Variants in GLT1D1 observed in about 807,000 individuals in gnomAD.
The protein encoded by GLT1D1 is glycosyltransferase 1 domain-containing protein 1.
GLT1D1 carries 21 observed loss-of-function variants against 28.7 expected under a neutral mutation model. The ratio of observed to expected loss-of-function variants is 0.73; its 90% CI spans 0.52 to 1.05. The LOEUF (loss-of-function observed/expected upper bound fraction) is 1.05, where lower values mean the gene tolerates loss of function less well. GLT1D1 is among the 50% of genes least tolerant of loss of function. The pLI is 0.00. For synonymous variants in GLT1D1, 147 were observed against 124.8 expected (o/e 1.18, Z -1.19); for missense variants, 343 against 330.6 (o/e 1.04, Z -0.29).
chr12:128,947,237 T>C (rs1876220351), intron 5 of GLT1D1, 101 bp from the exon 10 acceptor site: 4 of 1,341,582 alleles, frequency 3.0e-6, no homozygotes, highest in Non-Finnish European at 1.1e-6. Flanking sequence ...GCTTACTTGC[T>C]GATCTAGAGT....
chr12:128,874,506 A>G (rs58045336), intron 1 of GLT1D1, among the ~76,000 whole-genome samples: 14,676 of 124,512 alleles, frequency 0.12, 897 homozygotes, highest in Middle Eastern at 0.25. Flanking sequence ...TTTTTGAGAC[A>G]GGGTCTTGCT....
At chr12:128,866,064 T>C (rs534050612) in intron 1 of GLT1D1, among the ~76,000 whole-genome samples, 2 of 149,688 alleles carry the variant, frequency 1.3e-5, no homozygotes, top group South Asian at 4.2e-4. Context: ...GGGGTGATTG[T>C]ACCTTTTTTT....
intron 1 of GLT1D1, among the ~76,000 whole-genome samples, chr12:128,859,544 G>C (rs942377854): frequency 1.3e-5 from 2 of 152,116 alleles, no homozygotes; most frequent in African/African-American, 4.8e-5. Context: ...GCACAGGGCA[G>C]CCCCTCCCCA....
intron 4 of GLT1D1, among the ~76,000 whole-genome samples, chr12:128,941,905 CTTTTTTTTTTTT>C (rs60663875): frequency 2.0e-4 from 15 of 75,352 alleles, no homozygotes; most frequent in African/African-American, 6.6e-4. Flanking sequence ...CTCTCTCTCT[CTTTTTTTTTTTT>C]TTTTTTTTTT....
chr12:128,954,185 G>A (rs754623081), intron 6 of GLT1D1, among the ~76,000 whole-genome samples: 6 of 150,776 alleles, frequency 4.0e-5, no homozygotes, highest in Non-Finnish European at 7.4e-5. Flanking sequence ...GTGCAATGGC[G>A]CGATCTCGGC....
rs775212376 is a variant in GLT1D1 at position 128,891,799 on chromosome 12, AC to A, written c.323+3058del. On this transcript the variant is annotated intron_variant, in intron 3 of 7. Transcript: ENST00000281703. The stretch of plus-strand genomic sequence containing the variant: ...GTATGTTGTGGCAATGCAAATGTGG[AC>A]CCAAAAAACCTGAGACAGGTCTCAG... Among the ~76,000 whole-genome samples, 35 of 152,190 alleles carry A rather than the reference AC, an allele frequency of 2.3e-4. No individual in the cohort carries two copies. The East Asian group carries it at 4.6e-3, about 20-fold the overall frequency.
intron 4 of GLT1D1, among the ~76,000 whole-genome samples, chr12:128,934,574 A>G (rs1021843349): frequency 1.3e-5 from 2 of 152,058 alleles, no homozygotes; most frequent in African/African-American, 2.4e-5. Flanking sequence ...TTGAAGCCCT[A>G]GTTCGCAGGA....
chr12:128,963,269 G>A (rs535053791), intron 7 of GLT1D1, among the ~76,000 whole-genome samples: 9 of 152,308 alleles, frequency 5.9e-5, no homozygotes, highest in Admixed American at 2.6e-4. Context: ...TGTCCCAGGA[G>A]GGCCTGCTGT....
intron 4 of GLT1D1, among the ~76,000 whole-genome samples, chr12:128,910,025 C>T (rs538987951): frequency 6.6e-6 from 1 of 152,378 alleles, no homozygotes; most frequent in South Asian, 2.1e-4. Context: ...AGCCAATTGG[C>T]TTTTGCCAGA....
intron 7 of GLT1D1, among the ~76,000 whole-genome samples, chr12:128,979,204 G>A (rs1439129154): frequency 6.6e-6 from 1 of 152,248 alleles, no homozygotes; most frequent in Non-Finnish European, 1.5e-5. Context: ...GGGTAACAGT[G>A]TTCATTCTCT....
At chr12:128,977,136 A>T (rs1879845695) in intron 7 of GLT1D1, among the ~76,000 whole-genome samples, 1 of 151,936 alleles carries the variant, frequency 6.6e-6, no homozygotes, top group African/African-American at 2.4e-5. Flanking sequence ...ACAGAGAGAG[A>T]CTCCATCTCA....
intron 4 of GLT1D1, among the ~76,000 whole-genome samples, chr12:128,899,819 C>CAT (rs1870049080): frequency 1.3e-5 from 2 of 152,264 alleles, no homozygotes; most frequent in South Asian, 4.1e-4. Context: ...CCCAAAGTGC[C>CAT]GGGATTACAG....
intron 4 of GLT1D1, among the ~76,000 whole-genome samples, chr12:128,909,091 C>T (rs1040331441): frequency 1.3e-5 from 2 of 152,218 alleles, no homozygotes; most frequent in African/African-American, 4.8e-5. Context: ...GACACCAACG[C>T]TTCTTCCTCA....
chr12:128,946,479 T>C (rs993560431), intron 5 of GLT1D1, among the ~76,000 whole-genome samples: 2 of 151,606 alleles, frequency 1.3e-5, no homozygotes, highest in Admixed American at 1.3e-4. Flanking sequence ...CCTGAGTAGC[T>C]GGGACTACAG....
chr12:128,964,122 G>A (rs1878227125), intron 7 of GLT1D1, among the ~76,000 whole-genome samples: 3 of 152,352 alleles, frequency 2.0e-5, no homozygotes, highest in South Asian at 4.1e-4. Context: ...CAGTTGCGCT[G>A]GCTCATGCCT....
At chr12:128,855,392 A>T (rs1306864728) in intron 1 of GLT1D1, among the ~76,000 whole-genome samples, 1 of 150,456 alleles carries the variant, frequency 6.6e-6, no homozygotes, top group Non-Finnish European at 1.5e-5. Context: ...TGAAACCCTC[A>T]TCTCTACAAA....
intron 6 of GLT1D1, among the ~76,000 whole-genome samples, chr12:128,952,269 G>T (rs1876769031): frequency 6.6e-6 from 1 of 151,806 alleles, no homozygotes. Context: ...GTGGGTGGCG[G>T]GGATGTGCTC....
At chr12:128,890,553 G>A (rs1868925570) in intron 3 of GLT1D1, among the ~76,000 whole-genome samples, 1 of 152,150 alleles carries the variant, frequency 6.6e-6, no homozygotes, top group African/African-American at 2.4e-5. Context: ...GGAGGCCTGA[G>A]GCAGGTGGAT....
At chr12:128,916,639 T>C (rs547214869) in intron 4 of GLT1D1, among the ~76,000 whole-genome samples, 22 of 152,366 alleles carry the variant, frequency 1.4e-4, no homozygotes, top group Middle Eastern at 3.4e-3. Flanking sequence ...TATGTGCGCG[T>C]TGGCCATTCA....
Sources: gnomAD v4.1 joint callset for allele counts (sites outside exome capture counted in the v4.1 genomes callset) on GRCh38, gnomAD v4.1.1 for gene constraint, MANE v1.5 for transcripts, NCBI Gene and HGNC (gene_info 2026-07-23, HGNC 2026-07-21) for gene names.